PML: variants seen among roughly 807,000 people sequenced by gnomAD.
PML encodes the protein PML nuclear body scaffold, also known as protein PML.
In PML, 28 loss-of-function variants were observed where a neutral mutation model predicts 65.2. That is an observed-to-expected ratio of 0.43 (90% CI 0.32 to 0.59). The LOEUF (loss-of-function observed/expected upper bound fraction) is 0.59, where lower values mean the gene tolerates loss of function less well. PML is among the 20% of genes least tolerant of loss of function. The pLI is 0.08. For synonymous variants in PML, 500 were observed against 508.8 expected (o/e 0.98, Z 0.23); for missense variants, 1,021 against 1,203.4 (o/e 0.85, Z 2.24).
In PML at chr15:74,033,188, G is replaced by A; in HGVS notation, c.1431G>A (p.Arg477=). The change falls in exon 6 of 9, where the codon AGG becomes AGA. Residue 477 remains arginine (R), a synonymous_variant. Transcript: ENST00000268058. ...CCAATACAACGACAGCCCAGAAGAG[G>A]AAGTGCAGCCAGACCCAGTGCCCCA... ...DVSNTTTAQK[R]KCSQTQCPRK... 6.2e-7 allele frequency: 1 copy of A among 1,614,172 alleles called. No individual in the cohort carries two copies. Among genetic ancestry groups the A allele is most frequent in the Non-Finnish European group, 8.5e-7 (1 of 1,180,012 alleles).
Position 73,994,743 on chromosome 15 carries a change from A to T in PML, c.-70A>T. 6.6e-7 allele frequency: 1 copy of T among 1,523,260 alleles called. No individual in the cohort carries two copies. Among genetic ancestry groups the T allele is most frequent in the African/African-American group, 1.4e-5 (1 of 72,418 alleles). The allele number at this position is 1,523,260 out of a possible 1,614,324, so 94.4% of individuals were successfully genotyped here. Reference sequence around the variant, plus strand: ...CTCAAGGGACTCAGCCAACTGGCTCACGCCTCCCCTTCAGCTTCTCTTCAC... The same window carrying T: ...CTCAAGGGACTCAGCCAACTGGCTCTCGCCTCCCCTTCAGCTTCTCTTCAC... On this transcript the variant is annotated 5_prime_UTR_variant, in exon 1 of 9. Coordinates refer to ENST00000268058, the MANE Select transcript of PML (RefSeq NM_033238.3).
intron 2 of PML, among the ~76,000 whole-genome samples, chr15:74,005,244 C>T (rs2069983146): frequency 6.7e-6 from 1 of 148,152 alleles, no homozygotes; most frequent in Non-Finnish European, 1.5e-5. Context: ...GTAGAGACGG[C>T]GTTTCACCAT....
chr15:74,028,082 AC>A (rs2071160389), intron 4 of PML: 1 of 152,208 alleles, frequency 6.6e-6, no homozygotes, highest in African/African-American at 2.4e-5. Flanking sequence ...AACAGGCTTC[AC>A]TAGGATTGTT....
At chr15:74,040,707 G>C (rs2071676953) in intron 7 of PML, among the ~76,000 whole-genome samples, 1 of 152,206 alleles carries the variant, frequency 6.6e-6, no homozygotes, top group African/African-American at 2.4e-5. Context: ...TCCATGGGTG[G>C]CCATACTTTA....
At chr15:74,030,641 A>G (rs2071277644) in intron 4 of PML, among the ~76,000 whole-genome samples, 2 of 143,618 alleles carry the variant, frequency 1.4e-5, no homozygotes, top group African/African-American at 5.2e-5. Flanking sequence ...ACAGAGCAAG[A>G]CTCTGTCTCA....
rs1158286401 is a variant in PML at position 74,046,439 on chromosome 15, C to A, written c.*1431C>A. On this transcript the variant is annotated 3_prime_UTR_variant, in exon 9 of 9. Coordinates refer to ENST00000268058, the MANE Select transcript of PML (RefSeq NM_033238.3). ...ATGGCTGATGACCTCAGCTTTCACACTGGTGAAGTCTGTGTACCCATACTG... is the reference window on the plus strand; with the variant it reads ...ATGGCTGATGACCTCAGCTTTCACAATGGTGAAGTCTGTGTACCCATACTG... The A allele has an allele frequency of 8.6e-6, 2 of 232,862 alleles. No homozygotes were observed. The highest frequency in any genetic ancestry group is 6.0e-5 in the East Asian group (1 of 16,560). 14.4% of individuals were successfully genotyped at this position (232,862 alleles called of 1,614,324 possible). A position where few individuals can be genotyped will look rare whatever the true frequency, so the allele number is the denominator to read the frequency against.
chr15:74,021,547 T>G (rs1221413602), intron 2 of PML, among the ~76,000 whole-genome samples: 1 of 151,758 alleles, frequency 6.6e-6, no homozygotes, highest in East Asian at 1.9e-4. Context: ...ATGGTGCCAT[T>G]GCACTCCAGC....
intron 7 of PML, chr15:74,034,881 G>A (rs1391554317): frequency 1.4e-6 from 2 of 1,437,504 alleles, no homozygotes; most frequent in Admixed American, 5.7e-5. Flanking sequence ...TCCATTCCTT[G>A]GTTTATTACA....
Position 74,035,391 on chromosome 15 carries a change from G to A in PML, c.1710+861G>A. On this transcript the variant is annotated intron_variant, in intron 7 of 8. Transcript: ENST00000268058. This position sits in a 1 kb window ranked among gnomAD's most constrained non-coding sequence, Gnocchi z 4.1. ...TGCTGAGCCTCACAGCGAGCCTCCTGATCACCAGGAGCGCCCTGCCGTCCA... is the reference window on the plus strand; with the variant it reads ...TGCTGAGCCTCACAGCGAGCCTCCTAATCACCAGGAGCGCCCTGCCGTCCA... 2 of 1,611,864 alleles carry A rather than the reference G, an allele frequency of 1.2e-6. No homozygotes were observed. The highest frequency in any genetic ancestry group is 1.7e-6 in the Non-Finnish European group (2 of 1,179,976).
chr15:74,000,906 A>G (rs905272951), intron 2 of PML, among the ~76,000 whole-genome samples: 1 of 152,208 alleles, frequency 6.6e-6, no homozygotes, highest in East Asian at 1.9e-4. Context: ...CTCTAGAACA[A>G]TTTGAAGAAT....
intron 7 of PML, 165 bp downstream of exon 7, chr15:74,034,695 T>C (rs1253446500): frequency 3.2e-6 from 5 of 1,543,790 alleles, no homozygotes; most frequent in Non-Finnish European, 4.4e-6. Flanking sequence ...AAATGACAGC[T>C]GCATGCCTGG....
chr15:74,024,962 G>A, intron 4 of PML, 35 bp downstream of exon 4: 1 of 1,480,256 alleles, frequency 6.8e-7, no homozygotes. Flanking sequence ...GGGTGGTGGT[G>A]GGGCCCAGCA....
chr15:73,998,253 G>A lies in PML; in HGVS notation c.379G>A (p.Ala127Thr), dbSNP rs764681333. The change falls in exon 2 of 9, where the codon GCT (alanine) becomes ACT (threonine). Residue 127 changes from alanine (A) to threonine (T), a missense_variant. Ala to Thr is a moderately conservative substitution (Grantham distance 58). Coordinates refer to ENST00000268058, the MANE Select transcript of PML (RefSeq NM_033238.3). ...GTACCGGCAGATTGTGGATGCGCAG[G>A]CTGTGTGCACCCGCTGCAAAGAGTC... The part of the protein sequence containing the change: ...SVYRQIVDAQ[A>T]VCTRCKESAD... 4 of 1,614,162 alleles carry A rather than the reference G, an allele frequency of 2.5e-6. No homozygotes were observed. The highest frequency in any genetic ancestry group is 3.4e-6 in the Non-Finnish European group (4 of 1,180,028).
At chr15:74,008,720 CAG>C (rs774835972) in intron 2 of PML, among the ~76,000 whole-genome samples, 2 of 142,212 alleles carry the variant, frequency 1.4e-5, no homozygotes, top group Non-Finnish European at 3.0e-5. Flanking sequence ...GCCTGGGTGA[CAG>C]AGCGAGACTG....
chr15:74,027,164 A>G (rs986445729), intron 4 of PML: 3 of 152,202 alleles, frequency 2.0e-5, no homozygotes, highest in African/African-American at 7.2e-5. Context: ...TGGATATGGC[A>G]GGCTTTATTT....
In PML at chr15:74,034,520, C is replaced by T. The variant is rs371956504; in HGVS notation, c.1700C>T (p.Ala567Val). 3.7e-6 allele frequency: 6 copies of T among 1,614,048 alleles called. No individual in the cohort carries two copies. The highest frequency in any genetic ancestry group is 1.1e-5 in the South Asian group (1 of 91,090). The change falls in exon 7 of 9, where the codon GCC becomes GTC. Residue 567 changes from alanine (A) to valine (V), a missense_variant. By Grantham distance (64) the Ala-to-Val change is moderately conservative (BLOSUM62 0). Coordinates refer to ENST00000268058, the MANE Select transcript of PML (RefSeq NM_033238.3). ...ATCAGCAGCTCGGAAGACTCAGATG[C>T]CGAAAACTCGGTGAGTGGCCCAGAA... is the stretch of plus-strand genomic sequence containing the variant. ...VVISSSEDSD[A>V]ENSSSRELDD...
At position 73,994,723 on chromosome 15, in the gene PML, G is replaced by A. The variant is rs1266919513; in HGVS notation, c.-90G>A. 8 of 1,407,290 alleles carry A rather than the reference G, an allele frequency of 5.7e-6. No homozygotes were observed. The highest frequency in any genetic ancestry group is 4.1e-4 in the Middle Eastern group (2 of 4,822). The allele number at this position is 1,407,290 out of a possible 1,614,324, so 87.2% of individuals were successfully genotyped here. On this transcript the variant is annotated 5_prime_UTR_variant, in exon 1 of 9. Transcript: ENST00000268058. ...GCACCTCCCCTTTCGGACAGCTCAAGGGACTCAGCCAACTGGCTCACGCCT... is the reference window on the plus strand; with the variant it reads ...GCACCTCCCCTTTCGGACAGCTCAAAGGACTCAGCCAACTGGCTCACGCCT...
chr15:74,017,865 G>C (rs1316046179), intron 2 of PML, among the ~76,000 whole-genome samples: 1 of 152,046 alleles, frequency 6.6e-6, no homozygotes, highest in Admixed American at 6.5e-5. Context: ...GCTGGTCATA[G>C]TGGCTTAGGC....
Position 74,023,320 on chromosome 15 carries a change from G to A in PML, c.1095G>A (p.Gln365=), listed in dbSNP as rs1449390274. Residue 365 remains glutamine (Q), a synonymous_variant, in exon 3 of 9, where the codon CAG becomes CAA. Coordinates refer to ENST00000268058, the MANE Select transcript of PML (RefSeq NM_033238.3). ...GCCGCCTGCGCCAGGAGGAGCCCCA[G>A]AGCCTGCAAGCTGCCGTGCGCACCG... ...ALCRLRQEEP[Q]SLQAAVRTDG... The A allele has an allele frequency of 4.4e-6, 7 of 1,607,910 alleles. No homozygotes were observed. Among genetic ancestry groups the A allele is most frequent in the Non-Finnish European group, 5.1e-6 (6 of 1,179,808 alleles).
Sources: allele counts gnomAD v4.1 joint callset (sites outside exome capture counted in the v4.1 genomes callset), GRCh38; gene constraint gnomAD v4.1.1; non-coding constraint Gnocchi (gnomAD v3.1); transcripts MANE v1.5; gene names NCBI Gene and HGNC (gene_info 2026-07-23, HGNC 2026-07-21).